SND1: variants seen among roughly 807,000 people sequenced by gnomAD.
The protein encoded by SND1 is staphylococcal nuclease and tudor domain containing 1.
SND1 carries 38 observed loss-of-function variants against 121.7 expected under a neutral mutation model. The ratio of observed to expected loss-of-function variants is 0.31; its 90% CI spans 0.24 to 0.41. The LOEUF (loss-of-function observed/expected upper bound fraction) is 0.41. Ranked by LOEUF, SND1 falls within the 10% of genes least tolerant of loss-of-function variation. SND1 has a pLI of 1.00. For synonymous variants in SND1, 401 were observed against 447.4 expected (o/e 0.90, Z 1.31); for missense variants, 868 against 1,184.6 (o/e 0.73, Z 3.92).
intron 12 of SND1, among the ~76,000 whole-genome samples, chr7:127,877,847 T>TC (rs1799719394): frequency 6.6e-6 from 1 of 151,868 alleles, no homozygotes; most frequent in Admixed American, 6.5e-5. Context: ...GAGGTGTTTG[T>TC]CAGGGCTCAA....
intron 10 of SND1, among the ~76,000 whole-genome samples, chr7:127,783,007 C>T (rs914251108): frequency 4.6e-5 from 7 of 152,204 alleles, no homozygotes; most frequent in Admixed American, 6.5e-5. Context: ...ATTCAGCAAA[C>T]ATGCTGCAGG....
chr7:127,892,617 G>C (rs1207705612), intron 13 of SND1, among the ~76,000 whole-genome samples: 1 of 152,030 alleles, frequency 6.6e-6, no homozygotes, highest in Non-Finnish European at 1.5e-5. Context: ...TTCCTTTCCA[G>C]CTCTGTTGTC....
At position 127,858,396 on chromosome 7, in the gene SND1, G is replaced by C. The variant is rs1450144554; in HGVS notation, c.1343+13972G>C. 2.4e-6 allele frequency: 3 copies of C among 1,262,874 alleles called. No homozygotes were observed. In the South Asian group the frequency reaches 3.8e-5, roughly 16 times the overall value. The allele number at this position is 1,262,874 out of a possible 1,614,324, so 78.2% of individuals were successfully genotyped here. A position where few individuals can be genotyped will look rare whatever the true frequency, so the allele number is the denominator to read the frequency against. On this transcript the variant is annotated intron_variant, in intron 12 of 23. Transcript: ENST00000354725. ...TCTCTAGGCAATAGGAGCTCCAAAAGTCCCTCCAAGAAGGCTTGGGCACTC... is the reference window on the plus strand; with the variant it reads ...TCTCTAGGCAATAGGAGCTCCAAAACTCCCTCCAAGAAGGCTTGGGCACTC...
chr7:128,032,385 GGCGAGCGAGCCGGAGTGA>G (rs1368629450), intron 16 of SND1, among the ~76,000 whole-genome samples: 1 of 151,542 alleles, frequency 6.6e-6, no homozygotes, highest in Non-Finnish European at 1.5e-5. Context: ...AGGGCGAGCG[GGCGAGCGAGCCGGAGTGA>G]GCGTCAAGTG....
chr7:127,827,178 G>A (rs747138635), intron 11 of SND1, among the ~76,000 whole-genome samples: 1 of 152,188 alleles, frequency 6.6e-6, no homozygotes, highest in East Asian at 1.9e-4. Context: ...CTCTTACAGT[G>A]TATGAGTGCT....
intron 15 of SND1, among the ~76,000 whole-genome samples, chr7:127,937,746 TGA>T (rs771514123): frequency 3.9e-5 from 6 of 152,194 alleles, no homozygotes; most frequent in Non-Finnish European, 7.3e-5. Context: ...AAACTTCTAA[TGA>T]GAGGAGGGAA....
chr7:127,981,424 G>A (rs1802258824), intron 15 of SND1, among the ~76,000 whole-genome samples: 1 of 152,150 alleles, frequency 6.6e-6, no homozygotes, highest in Admixed American at 6.5e-5. Context: ...GCGATCTCCA[G>A]TCCCCTTCCC....
intron 16 of SND1, chr7:128,031,440 G>A (rs1380653221): frequency 1.3e-5 from 2 of 151,726 alleles, no homozygotes; most frequent in Non-Finnish European, 2.9e-5. Context: ...TTGCGGTCGT[G>A]AGCTCGCGGA....
intron 16 of SND1, among the ~76,000 whole-genome samples, chr7:128,053,240 G>A (rs1793076736): frequency 1.3e-5 from 2 of 152,332 alleles, no homozygotes; most frequent in South Asian, 4.1e-4. Flanking sequence ...AAGCCAAATA[G>A]CTGCTTCTGT....
chr7:127,655,894 G>C (rs1307749356), intron 1 of SND1, among the ~76,000 whole-genome samples: 1 of 152,088 alleles, frequency 6.6e-6, no homozygotes, highest in Admixed American at 6.6e-5. Context: ...TTGAATTCTT[G>C]AATCTTCTGT....
intron 16 of SND1, among the ~76,000 whole-genome samples, chr7:128,071,171 G>C (rs528932771): frequency 2.1e-4 from 32 of 152,328 alleles, no homozygotes; most frequent in African/African-American, 7.0e-4. Context: ...ACATGTGTTA[G>C]ATAAGCTTCA....
chr7:128,032,978 C>T (rs117846851), intron 16 of SND1, among the ~76,000 whole-genome samples: 1 of 152,200 alleles, frequency 6.6e-6, no homozygotes, highest in African/African-American at 2.4e-5. Flanking sequence ...GAGCCCACGA[C>T]ACAGCCCGTT....
intron 12 of SND1, among the ~76,000 whole-genome samples, chr7:127,865,227 G>C (rs1799447100): frequency 6.6e-6 from 1 of 152,182 alleles, no homozygotes; most frequent in Non-Finnish European, 1.5e-5. Context: ...ATTATCTATA[G>C]TTGACATATG....
chr7:128,030,733 C>G (rs527541384), intron 16 of SND1: 1 of 1,439,330 alleles, frequency 6.9e-7, no homozygotes. Flanking sequence ...AGGAGCTCCT[C>G]TTTCCATCTG....
intron 16 of SND1, among the ~76,000 whole-genome samples, chr7:128,026,525 G>A (rs906005359): frequency 1.3e-5 from 2 of 152,160 alleles, no homozygotes; most frequent in Non-Finnish European, 2.9e-5. Context: ...CCTGATTCAC[G>A]CAGCCTCTCT....
intron 13 of SND1, among the ~76,000 whole-genome samples, chr7:127,899,153 C>A (rs1307505087): frequency 6.6e-6 from 1 of 152,034 alleles, no homozygotes; most frequent in Admixed American, 6.6e-5. Context: ...AGATTAAGGG[C>A]AGAATACTAA....
intron 16 of SND1, among the ~76,000 whole-genome samples, chr7:128,004,977 G>A (rs1186880359): frequency 1.3e-5 from 2 of 152,224 alleles, no homozygotes; most frequent in Non-Finnish European, 2.9e-5. Flanking sequence ...AAGCAAGATA[G>A]CTTTGCCTTA....
intron 1 of SND1, among the ~76,000 whole-genome samples, chr7:127,670,851 A>G (rs1795503404): frequency 6.6e-6 from 1 of 151,858 alleles, no homozygotes. Flanking sequence ...AAAAAAAACC[A>G]TGAGATAATT....
chr7:127,667,659 G>A (rs914731779), intron 1 of SND1, among the ~76,000 whole-genome samples: 9 of 152,158 alleles, frequency 5.9e-5, no homozygotes, highest in Non-Finnish European at 1.3e-4. Context: ...TGGACTTAAC[G>A]GATTTCTGGT....
Sources: allele counts gnomAD v4.1 joint callset (sites outside exome capture counted in the v4.1 genomes callset), GRCh38; gene constraint gnomAD v4.1.1; transcripts MANE v1.5; gene names NCBI Gene and HGNC (gene_info 2026-07-23, HGNC 2026-07-21).